CDIP1: variants seen among roughly 807,000 people sequenced by gnomAD.
CDIP1 encodes the protein cell death-inducing p53-target protein 1.
A neutral mutation model predicts 17.7 loss-of-function variants in CDIP1; 9 were observed. That is an observed-to-expected ratio of 0.51 (90% confidence interval 0.31 to 0.89). The LOEUF (loss-of-function observed/expected upper bound fraction) is 0.89, where lower values mean the gene tolerates loss of function less well. CDIP1 is among the 40% of genes least tolerant of loss of function. The probability of loss-of-function intolerance (pLI) is 0.05; values close to 1 mark genes in which losing one functional copy is unlikely to be tolerated. For missense variants in CDIP1, 263 were observed against 277.9 expected (o/e 0.95, Z 0.38); for synonymous variants, 117 against 109.5 (o/e 1.07, Z -0.43).
intron 1 of CDIP1, among the ~76,000 whole-genome samples, chr16:4,517,214 A>G (rs769396321): frequency 6.6e-6 from 1 of 152,158 alleles, no homozygotes; most frequent in Non-Finnish European, 1.5e-5. Flanking sequence ...GCCAGTTATT[A>G]ATTTTCATAT....
In CDIP1 at chr16:4,510,925, T is replaced by C. The variant is rs1049430027; in HGVS notation, c.*1647A>G. 4 of 152,280 alleles carry C rather than the reference T, an allele frequency of 2.6e-5. No individual in the cohort carries two copies. The highest frequency in any genetic ancestry group is 9.6e-5 in the African/African-American group (4 of 41,474). The allele number at this position is 152,280 out of a possible 1,614,324, so 9.4% of individuals were successfully genotyped here. On this transcript the variant is annotated 3_prime_UTR_variant, in exon 6 of 6. Transcript: ENST00000567695. ...TCTGCCTGTCAGCCTCAGCCCAGTCTGTGTTGCTTAAGGGTGCGCCTCCCC... is the reference window on the plus strand; with the variant it reads ...TCTGCCTGTCAGCCTCAGCCCAGTCCGTGTTGCTTAAGGGTGCGCCTCCCC...
intron 1 of CDIP1, among the ~76,000 whole-genome samples, chr16:4,530,911 T>C (rs2059050024): frequency 6.6e-6 from 1 of 152,120 alleles, no homozygotes; most frequent in African/African-American, 2.4e-5. Context: ...TTGCCTAAGT[T>C]CCTGTAACTC....
intron 1 of CDIP1, among the ~76,000 whole-genome samples, chr16:4,530,459 G>C (rs182641776): frequency 1.4e-5 from 2 of 145,232 alleles, no homozygotes; most frequent in Non-Finnish European, 3.1e-5. Context: ...AAACCAGCCC[G>C]ACCAACATGG....
chr16:4,533,362 T>G (rs2059074616), intron 1 of CDIP1: 1 of 152,242 alleles, frequency 6.6e-6, no homozygotes, highest in Non-Finnish European at 1.5e-5. Flanking sequence ...TTGGGGCCAG[T>G]TTCTCCAGGG....
At chr16:4,537,790 T>TC (rs2059124704) in intron 1 of CDIP1, among the ~76,000 whole-genome samples, 2 of 152,138 alleles carry the variant, frequency 1.3e-5, no homozygotes, top group African/African-American at 4.8e-5. Context: ...TCACAGCCAC[T>TC]CGCCCCACCT....
At position 4,531,951 on chromosome 16, in the gene CDIP1, C is replaced by T. The variant is rs183631049; in HGVS notation, c.-105+6751G>A. On this transcript the variant is annotated intron_variant, in intron 1 of 5. Transcript: ENST00000567695. The stretch of plus-strand genomic sequence containing the variant: ...TTTCCCTGGGGAGGGAAATGGGACA[C>T]AGAACGTGCTGTTTCCTCAGGCCCC... Among the ~76,000 whole-genome samples, 13 of 152,366 alleles carry T rather than the reference C, an allele frequency of 8.5e-5. No homozygotes were observed. The East Asian group carries it at 1.9e-3, about 23-fold the overall frequency.
At chr16:4,521,087 GGTGTGTGTGT>G (rs35743524) in intron 1 of CDIP1, among the ~76,000 whole-genome samples, 1 of 150,316 alleles carries the variant, frequency 6.7e-6, no homozygotes. Flanking sequence ...ATGCAACACT[GGTGTGTGTGT>G]GTGTGTGTGT....
chr16:4,531,563 A>G (rs959832537), intron 1 of CDIP1, among the ~76,000 whole-genome samples: 1 of 152,196 alleles, frequency 6.6e-6, no homozygotes, highest in Non-Finnish European at 1.5e-5. Flanking sequence ...CCCATGGAAG[A>G]CAGGTGCCCT....
chr16:4,515,464 A>G (rs1174524650), intron 1 of CDIP1, among the ~76,000 whole-genome samples: 1 of 152,176 alleles, frequency 6.6e-6, no homozygotes, highest in East Asian at 1.9e-4. Context: ...AAGAAAGAAA[A>G]CTTAAAGTGG....
chr16:4,510,704 C>A lies in CDIP1; in HGVS notation c.*1868G>T. On this transcript the variant is annotated 3_prime_UTR_variant, in exon 6 of 6. Coordinates refer to ENST00000567695, the MANE Select transcript of CDIP1 (RefSeq NM_013399.3). ...AACAATTCATTCTCTAAAAGAGAAA[C>A]ATGAACTTAAATAATTTTATTAATA... 6.6e-6 allele frequency: 1 copy of A among 152,154 alleles called. No homozygotes were observed. The highest frequency in any genetic ancestry group is 3.4e-3 in the Middle Eastern group (1 of 294). 9.4% of individuals were successfully genotyped at this position (152,154 alleles called of 1,614,324 possible). A position where few individuals can be genotyped will look rare whatever the true frequency, so the allele number is the denominator to read the frequency against.
rs11648183 is a variant in CDIP1 at position 4,531,306 on chromosome 16, G to A, written c.-105+7396C>T. ...GCCTCCCAAAGTGCTGGGATTACAG[G>A]TGTGAGGCACTGTGCCCGGCCTTTT... On this transcript the variant is annotated intron_variant, in intron 1 of 5. Coordinates refer to ENST00000567695, the MANE Select transcript of CDIP1 (RefSeq NM_013399.3). Among the ~76,000 whole-genome samples, 1,288 of 151,956 alleles carry A rather than the reference G, an allele frequency of 8.5e-3. 8 individuals carry two copies. Among genetic ancestry groups the A allele is most frequent in the South Asian group, 0.025 (119 of 4,814 alleles).
intron 1 of CDIP1, among the ~76,000 whole-genome samples, chr16:4,523,478 C>T (rs1475349531): frequency 2.0e-5 from 3 of 152,048 alleles, no homozygotes; most frequent in African/African-American, 7.2e-5. Context: ...CGCGCCACTG[C>T]ACTCTAACCT....
Position 4,514,107 on chromosome 16 carries a change from A to G in CDIP1, c.24T>C (p.Pro8=). 1.3e-6 allele frequency: 2 copies of G among 1,545,554 alleles called. No homozygotes were observed. The highest frequency in any genetic ancestry group is 2.5e-5 in the South Asian group (2 of 80,076). The stretch of plus-strand genomic sequence containing the variant: ...GTGGGGCTGTGGGGCCCCCAGGATA[A>G]GGAGGGGGAGGCTCGCTGGACATCT... MSSEPPP[P]YPGGPTAPLL... The change falls in exon 3 of 6, where the codon CCT becomes CCC. Residue 8 remains proline, a synonymous_variant. Coordinates refer to ENST00000567695, the MANE Select transcript of CDIP1 (RefSeq NM_013399.3). This position sits in a 1 kb window ranked among gnomAD's most constrained non-coding sequence, Gnocchi z 5.2.
intron 1 of CDIP1, among the ~76,000 whole-genome samples, chr16:4,536,129 A>C (rs2059104019): frequency 6.6e-6 from 1 of 152,202 alleles, no homozygotes; most frequent in Non-Finnish European, 1.5e-5. Flanking sequence ...ATGCTATAAA[A>C]TGCCACAACT....
chr16:4,533,610 G>C (rs1228411751), intron 1 of CDIP1: 6 of 152,214 alleles, frequency 3.9e-5, no homozygotes, highest in Non-Finnish European at 8.8e-5. Context: ...TCATCTAACA[G>C]TCAAGGGTGA....
intron 1 of CDIP1, among the ~76,000 whole-genome samples, chr16:4,529,680 C>T (rs190554229): frequency 5.9e-5 from 9 of 152,214 alleles, no homozygotes; most frequent in Admixed American, 1.3e-4. Flanking sequence ...AAAATGGAGC[C>T]CTTAAAAAAA....
Position 4,514,536 on chromosome 16 carries a change from A to C in CDIP1, c.-15+39T>G, listed in dbSNP as rs2058869478. ...GAGACACTGGACCGATCTCTGCCACAGGCTGCACTGGGAATGGGGGTTCTG... is the reference window on the plus strand; with the variant it reads ...GAGACACTGGACCGATCTCTGCCACCGGCTGCACTGGGAATGGGGGTTCTG... On this transcript the variant is annotated intron_variant, in intron 2 of 5. Transcript: ENST00000567695. This position sits in a 1 kb window ranked among gnomAD's most constrained non-coding sequence, Gnocchi z 5.2. The C allele has an allele frequency of 5.5e-6, 1 of 183,362 alleles. No individual in the cohort carries two copies. Among genetic ancestry groups the C allele is most frequent in the Non-Finnish European group, 1.1e-5 (1 of 89,110 alleles). The allele number at this position is 183,362 out of a possible 1,614,324, so 11.4% of individuals were successfully genotyped here.
At position 4,522,993 on chromosome 16, in the gene CDIP1, C is replaced by T. The variant is rs117164733; in HGVS notation, c.-104-8329G>A. Among the ~76,000 whole-genome samples the T allele has an allele frequency of 1.5e-3, 226 of 152,298 alleles. No homozygotes were observed. The East Asian group carries it at 0.031, about 21-fold the overall frequency. ...ATAAAAACTTACTGAACCACTGTAA[C>T]GGGCCATGCAGCGTGAGGGTCATTA... On this transcript the variant is annotated intron_variant, in intron 1 of 5. Coordinates refer to ENST00000567695, the MANE Select transcript of CDIP1 (RefSeq NM_013399.3).
At chr16:4,523,694 C>G (rs1160170630) in intron 1 of CDIP1, 1 of 152,244 alleles carries the variant, frequency 6.6e-6, no homozygotes, top group Non-Finnish European at 1.5e-5. Flanking sequence ...TTCTGGAGCT[C>G]TAACACCATC....
Sources: gnomAD v4.1 joint callset for allele counts (sites outside exome capture counted in the v4.1 genomes callset) on GRCh38, gnomAD v4.1.1 for gene constraint, Gnocchi (gnomAD v3.1) non-coding constraint, MANE v1.5 for transcripts, NCBI Gene and HGNC (gene_info 2026-07-23, HGNC 2026-07-21) for gene names.